RBFOX3: variants seen among roughly 807,000 people sequenced by gnomAD.
RBFOX3 encodes RNA binding protein fox-1 homolog 3.
A neutral mutation model predicts 48.7 loss-of-function variants in RBFOX3; 17 were observed. The ratio of observed to expected loss-of-function variants is 0.35; its 90% CI spans 0.24 to 0.52. The LOEUF (loss-of-function observed/expected upper bound fraction) is 0.52. Among genes scored for constraint, RBFOX3 ranks in the 20% least tolerant of loss-of-function variants. The probability of loss-of-function intolerance (pLI) is 0.94; values close to 1 mark genes in which losing one functional copy is unlikely to be tolerated. For missense variants in RBFOX3, 382 were observed against 497.5 expected, an observed-to-expected ratio of 0.77 and a Z score of 2.21; for synonymous variants, 212 against 209.5, an observed-to-expected ratio of 1.01 and a Z score of -0.10.
At chr17:79,233,239 A>G (rs1318956417) in intron 4 of RBFOX3, among the ~76,000 whole-genome samples, 1 of 152,228 alleles carries the variant, frequency 6.6e-6, no homozygotes, top group East Asian at 1.9e-4. Flanking sequence ...GAGTGAAAGA[A>G]GCCAAGCAAA....
chr17:79,466,299 G>A (rs1420764774), intron 2 of RBFOX3, among the ~76,000 whole-genome samples: 1 of 152,236 alleles, frequency 6.6e-6, no homozygotes, highest in Non-Finnish European at 1.5e-5. Context: ...AGGCCTTGGT[G>A]ATCAGGAAGA....
At chr17:79,134,093 C>T (rs967556129) in intron 4 of RBFOX3, among the ~76,000 whole-genome samples, 1 of 152,198 alleles carries the variant, frequency 6.6e-6, no homozygotes, top group Non-Finnish European at 1.5e-5. Flanking sequence ...GGCAGGACCC[C>T]ACCCTTGCAC....
Position 79,465,276 on chromosome 17 carries a change from G to A in RBFOX3, c.-175+17178C>T, listed in dbSNP as rs573494075. Among the ~76,000 whole-genome samples, 21 of 152,286 alleles carry A rather than the reference G, an allele frequency of 1.4e-4. 1 individual carries two copies. Among genetic ancestry groups the A allele is most frequent in the Non-Finnish European group, 2.4e-4 (16 of 68,036 alleles). ...GGCCACATAGAAACCAGAGCTGCTC[G>A]TCAGAGAAAAGCTCCATCCCATAAT... On this transcript the variant is annotated intron_variant, in intron 2 of 14. Transcript: ENST00000693108.
rs1166097861 is a variant in RBFOX3 at position 79,463,026 on chromosome 17, C to A, written c.-175+19428G>T. Among the ~76,000 whole-genome samples, 4 of 125,454 alleles carry A rather than the reference C, an allele frequency of 3.2e-5. No individual in the cohort carries two copies. In the South Asian group the frequency reaches 1.0e-3, roughly 33 times the overall value. The allele number at this position is 125,454 out of a possible 152,430, so 82.3% of individuals were successfully genotyped here. A position where few individuals can be genotyped will look rare whatever the true frequency, so the allele number is the denominator to read the frequency against. On this transcript the variant is annotated intron_variant, in intron 2 of 14. Transcript: ENST00000693108. Reference sequence around the variant, plus strand: ...ACCTCCACCACCATTGCCACTGACACCTCCACCACCATCGCCACTGCCACC... The same window carrying A: ...ACCTCCACCACCATTGCCACTGACAACTCCACCACCATCGCCACTGCCACC...
At chr17:79,411,766 G>A (rs968450073) in intron 2 of RBFOX3, among the ~76,000 whole-genome samples, 9 of 152,228 alleles carry the variant, frequency 5.9e-5, no homozygotes, top group African/African-American at 2.2e-4. Flanking sequence ...GGACAAGCCA[G>A]GCCCCAGTCC....
At chr17:79,371,177 G>GGCGA (rs1388821367) in intron 2 of RBFOX3, among the ~76,000 whole-genome samples, 1 of 152,244 alleles carries the variant, frequency 6.6e-6, no homozygotes, top group Non-Finnish European at 1.5e-5. Flanking sequence ...GAGGGACCAT[G>GGCGA]GCGAGGGGCC....
chr17:79,218,003 G>A (rs1022914100), intron 4 of RBFOX3, among the ~76,000 whole-genome samples: 1 of 152,120 alleles, frequency 6.6e-6, no homozygotes, highest in East Asian at 1.9e-4. Flanking sequence ...GGGCCTGGAA[G>A]CTGAGTGGGA....
chr17:79,283,265 C>CTT (rs11307023), intron 3 of RBFOX3, among the ~76,000 whole-genome samples: 8 of 114,582 alleles, frequency 7.0e-5, no homozygotes, highest in Non-Finnish European at 1.1e-4. Context: ...TGTTCCTTTT[C>CTT]TTTTTTTTTT....
intron 4 of RBFOX3, among the ~76,000 whole-genome samples, chr17:79,134,032 G>C (rs930073602): frequency 6.6e-6 from 1 of 152,174 alleles, no homozygotes; most frequent in African/African-American, 2.4e-5. Context: ...AGGATATTAA[G>C]CACAGTGCCC....
intron 1 of RBFOX3, among the ~76,000 whole-genome samples, chr17:79,518,353 G>A (rs979642481): frequency 6.6e-6 from 1 of 152,256 alleles, no homozygotes; most frequent in Non-Finnish European, 1.5e-5. Context: ...CTACAAATGT[G>A]CGAGTGACAC....
At chr17:79,549,315 G>T (rs207476598) in intron 1 of RBFOX3, among the ~76,000 whole-genome samples, 4 of 152,214 alleles carry the variant, frequency 2.6e-5, no homozygotes, top group Non-Finnish European at 5.9e-5. Context: ...CCCCCTGGCT[G>T]GTCCCAGCCC....
At chr17:79,643,901 AG>A in the RBFOX3 span, among the ~76,000 whole-genome samples, 2 of 100,782 alleles carry the variant, frequency 2.0e-5, no homozygotes, top group African/African-American at 3.1e-5. Flanking sequence ...AGTAATTAAA[AG>A]GAAATAATAC....
chr17:79,139,435 CT>C (rs760183370), intron 4 of RBFOX3, among the ~76,000 whole-genome samples: 17 of 152,266 alleles, frequency 1.1e-4, no homozygotes, highest in Non-Finnish European at 2.2e-4. Context: ...TGGGTGCCAG[CT>C]CTGGGCTCCA....
chr17:79,656,895 G>GGGAA, the RBFOX3 span, among the ~76,000 whole-genome samples: 86 of 116,410 alleles, frequency 7.4e-4, no homozygotes, highest in Non-Finnish European at 1.1e-3. Flanking sequence ...GAAGGAAGGA[G>GGGAA]GGAAGGAAGG....
chr17:79,484,578 A>AG (rs1189711150), intron 1 of RBFOX3, among the ~76,000 whole-genome samples: 10 of 125,112 alleles, frequency 8.0e-5, no homozygotes, highest in Admixed American at 4.9e-4. Context: ...GCCTGGGTGC[A>AG]GGGGCCTGGG....
the RBFOX3 span, among the ~76,000 whole-genome samples, chr17:79,650,086 T>G: frequency 6.6e-6 from 1 of 152,024 alleles, no homozygotes; most frequent in Non-Finnish European, 1.5e-5. Flanking sequence ...GAGACACAGA[T>G]CCAAACCATA....
intron 4 of RBFOX3, among the ~76,000 whole-genome samples, chr17:79,169,740 G>A (rs923496875): frequency 6.6e-6 from 1 of 152,248 alleles, no homozygotes; most frequent in African/African-American, 2.4e-5. Context: ...GGAGGTGGCT[G>A]CCACTGGGCA....
intron 2 of RBFOX3, among the ~76,000 whole-genome samples, chr17:79,366,388 A>C (rs1008701337): frequency 4.6e-5 from 7 of 152,212 alleles, no homozygotes; most frequent in Admixed American, 1.3e-4. Flanking sequence ...TTTTCTTTAA[A>C]GTGTTTATTT....
intron 2 of RBFOX3, among the ~76,000 whole-genome samples, chr17:79,365,982 C>T (rs1372217216): frequency 2.0e-5 from 3 of 152,242 alleles, no homozygotes; most frequent in African/African-American, 4.8e-5. Context: ...GATGTCCTGC[C>T]ACTGCACATT....
Sources: allele counts gnomAD v4.1 joint callset (sites outside exome capture counted in the v4.1 genomes callset), GRCh38; gene constraint gnomAD v4.1.1; transcripts MANE v1.5; gene names NCBI Gene and HGNC (gene_info 2026-07-23, HGNC 2026-07-21).